The following LMBRD2 variants were observed in gnomAD, a reference collection of about 807,000 sequenced individuals.
LMBRD2 encodes the protein LMBR1 domain containing 2.
Under a neutral mutation model 94.4 loss-of-function variants are expected in LMBRD2, and 55 were observed. The observed-to-expected ratio is 0.58, with a 90% CI of 0.47 to 0.73. The LOEUF (loss-of-function observed/expected upper bound fraction) is 0.73, where lower values mean the gene tolerates loss of function less well. Ranked by LOEUF, LMBRD2 falls within the 30% of genes least tolerant of loss-of-function variation. The probability of loss-of-function intolerance (pLI) is 0.00; values close to 1 mark genes in which losing one functional copy is unlikely to be tolerated. For missense variants in LMBRD2, 640 were observed against 831.9 expected (o/e 0.77, Z 2.84); for synonymous variants, 246 against 272.4 (o/e 0.90, Z 0.95).
At chr5:36,112,021 G>A (rs1276070719) in intron 13 of LMBRD2, among the ~76,000 whole-genome samples, 1 of 151,752 alleles carries the variant, frequency 6.6e-6, no homozygotes, top group African/African-American at 2.4e-5. Context: ...TCTACACAGA[G>A]AGGGAGGAAG....
chr5:36,126,937 C>T (rs77909793), intron 6 of LMBRD2, among the ~76,000 whole-genome samples: 3,386 of 152,332 alleles, frequency 0.022, 121 homozygotes, highest in African/African-American at 0.078. Flanking sequence ...TTTAAAACTT[C>T]CTGATATCTG....
At chr5:36,124,348 ATTT>A in intron 6 of LMBRD2, 83 bp from the exon 7 acceptor site, 1 of 715,192 alleles carries the variant, frequency 1.4e-6, no homozygotes, top group Non-Finnish European at 2.3e-6. Flanking sequence ...GGTACTATAT[ATTT>A]TCTCACAAGT....
At chr5:36,145,482 C>A (rs1393551989) in intron 1 of LMBRD2, among the ~76,000 whole-genome samples, 1 of 152,248 alleles carries the variant, frequency 6.6e-6, no homozygotes, top group African/African-American at 2.4e-5. Flanking sequence ...TGCCTCAGCT[C>A]CCAAAGTGCT....
At chr5:36,118,037 A>C (rs2111864083) in intron 9 of LMBRD2, 121 bp from the exon 10 acceptor site, 1 of 764,864 alleles carries the variant, frequency 1.3e-6, no homozygotes, top group African/African-American at 1.8e-5. Context: ...GCAATTTTAC[A>C]GTGGAGAATC....
At chr5:36,115,505 G>C (rs539431953) in intron 11 of LMBRD2, among the ~76,000 whole-genome samples, 2 of 152,292 alleles carry the variant, frequency 1.3e-5, no homozygotes, top group South Asian at 4.1e-4. Context: ...AACTGAAGTT[G>C]TATCAACATA....
intron 1 of LMBRD2, chr5:36,147,972 C>A (rs1744591366): frequency 3.8e-6 from 1 of 264,954 alleles, no homozygotes; most frequent in Admixed American, 5.6e-5. Context: ...TCATTAGGTT[C>A]CAATTGGAAA....
intron 13 of LMBRD2, among the ~76,000 whole-genome samples, chr5:36,111,589 TC>T (rs1191209050): frequency 3.3e-5 from 5 of 152,224 alleles, no homozygotes; most frequent in East Asian, 1.9e-4. Context: ...GCAATTTTTT[TC>T]CTCTGATCTA....
chr5:36,121,455 T>C (rs1453211910), intron 9 of LMBRD2, among the ~76,000 whole-genome samples: 4 of 152,222 alleles, frequency 2.6e-5, no homozygotes, highest in Admixed American at 6.5e-5. Context: ...CTTTGGTACT[T>C]GCTTTAAGTT....
At chr5:36,147,704 C>T (rs10071838) in intron 1 of LMBRD2, among the ~76,000 whole-genome samples, 47,138 of 152,006 alleles carry the variant, frequency 0.31, 8,126 homozygotes, top group Non-Finnish European at 0.39. Context: ...GAGTACTTTA[C>T]GGCTGATAAT....
chr5:36,141,219 T>G lies in LMBRD2; in HGVS notation c.273-17A>C. 1 of 1,407,760 alleles carries G rather than the reference T, an allele frequency of 7.1e-7. No homozygotes were observed. Among genetic ancestry groups the G allele is most frequent in the Non-Finnish European group, 1.0e-6 (1 of 1,001,348 alleles). The allele number at this position is 1,407,760 out of a possible 1,614,324, so 87.2% of individuals were successfully genotyped here. A position where few individuals can be genotyped will look rare whatever the true frequency, so the allele number is the denominator to read the frequency against. On this transcript the variant is annotated splice_polypyrimidine_tract_variant and intron_variant, in intron 3 of 17. Transcript: ENST00000296603. ...GGATGCTGGCTGTTGAATAAAAAGTTAAAGCCAACTAATCATAAATGACTA... is the reference window on the plus strand; with the variant it reads ...GGATGCTGGCTGTTGAATAAAAAGTGAAAGCCAACTAATCATAAATGACTA...
intron 11 of LMBRD2, among the ~76,000 whole-genome samples, chr5:36,115,960 T>A (rs1743734437): frequency 6.6e-6 from 1 of 152,206 alleles, no homozygotes; most frequent in African/African-American, 2.4e-5. Flanking sequence ...TATAAAATTA[T>A]CTAAGTTCAT....
chr5:36,143,665 A>G (rs1744471379), intron 1 of LMBRD2, among the ~76,000 whole-genome samples: 1 of 152,194 alleles, frequency 6.6e-6, no homozygotes, highest in Admixed American at 6.5e-5. Context: ...TTCTTACAAT[A>G]TTACAAATTA....
At chr5:36,129,378 T>C (rs1744080906) in intron 6 of LMBRD2, among the ~76,000 whole-genome samples, 1 of 149,978 alleles carries the variant, frequency 6.7e-6, no homozygotes, top group Admixed American at 6.6e-5. Context: ...GAGAAACAAA[T>C]AACACACAAT....
intron 1 of LMBRD2, among the ~76,000 whole-genome samples, chr5:36,150,189 C>A (rs946854628): frequency 2.0e-5 from 3 of 152,222 alleles, no homozygotes; most frequent in African/African-American, 7.2e-5. Context: ...AATTTCAAAA[C>A]TGACAGGCTC....
chr5:36,114,539 AG>A lies in LMBRD2; in HGVS notation c.1543-19del. 2 of 1,515,996 alleles carry A rather than the reference AG, an allele frequency of 1.3e-6. No individual in the cohort carries two copies. The highest frequency in any genetic ancestry group is 1.8e-6 in the Non-Finnish European group (2 of 1,140,952). The allele number at this position is 1,515,996 out of a possible 1,614,324, so 93.9% of individuals were successfully genotyped here. A position where few individuals can be genotyped will look rare whatever the true frequency, so the allele number is the denominator to read the frequency against. On this transcript the variant is annotated intron_variant, in intron 12 of 17. Coordinates refer to ENST00000296603, the MANE Select transcript of LMBRD2 (RefSeq NM_001007527.2). ...CCCATAATCTGAAGAGCAAGAAAAA[AG>A]TAAGTTAAATTGGAATAGCTCTATA...
chr5:36,098,507 C>A lies in LMBRD2; in HGVS notation c.*5539G>T, dbSNP rs1743289156. The A allele has an allele frequency of 6.6e-6, 1 of 151,888 alleles. No individual in the cohort carries two copies. Among genetic ancestry groups the A allele is most frequent in the Non-Finnish European group, 1.5e-5 (1 of 67,888 alleles). The allele number at this position is 151,888 out of a possible 1,614,324, so 9.4% of individuals were successfully genotyped here. ...GAACGCCTGAATCTACTTAAAAGAA[C>A]CTTAATCTCAAATGAAGTAAAATAT... On this transcript the variant is annotated 3_prime_UTR_variant, in exon 18 of 18. Coordinates refer to ENST00000296603, the MANE Select transcript of LMBRD2 (RefSeq NM_001007527.2).
chr5:36,098,525 T>C lies in LMBRD2; in HGVS notation c.*5521A>G, dbSNP rs1472201294. 1 of 152,000 alleles carries C rather than the reference T, an allele frequency of 6.6e-6. No individual in the cohort carries two copies. The highest frequency in any genetic ancestry group is 1.9e-4 in the East Asian group (1 of 5,198). The allele number at this position is 152,000 out of a possible 1,614,324, so 9.4% of individuals were successfully genotyped here. ...AAAAGAACCTTAATCTCAAATGAAGTAAAATATATAAACAATCAGCAAAAT... is the reference window on the plus strand; with the variant it reads ...AAAAGAACCTTAATCTCAAATGAAGCAAAATATATAAACAATCAGCAAAAT... On this transcript the variant is annotated 3_prime_UTR_variant, in exon 18 of 18. Coordinates refer to ENST00000296603, the MANE Select transcript of LMBRD2 (RefSeq NM_001007527.2).
At chr5:36,108,380 T>C (rs1462933368) in intron 16 of LMBRD2, 154 bp downstream of exon 16, 5 of 470,162 alleles carry the variant, frequency 1.1e-5, no homozygotes, top group Non-Finnish European at 1.9e-5. Context: ...TCCTTCTATA[T>C]ACTGAGGAAT....
intron 1 of LMBRD2, among the ~76,000 whole-genome samples, chr5:36,148,818 T>A (rs1337911210): frequency 6.6e-6 from 1 of 152,242 alleles, no homozygotes; most frequent in African/African-American, 2.4e-5. Context: ...AGTTTCTTAA[T>A]GCAATTTAAA....
Sources: gnomAD v4.1 joint callset for allele counts (sites outside exome capture counted in the v4.1 genomes callset) on GRCh38, gnomAD v4.1.1 for gene constraint, MANE v1.5 for transcripts, NCBI Gene and HGNC (gene_info 2026-07-23, HGNC 2026-07-21) for gene names.